The following ANK3 variants were observed in gnomAD, a reference collection of about 807,000 sequenced individuals.
ANK3 encodes ankyrin 3.
A neutral mutation model predicts 370.9 loss-of-function variants in ANK3; 57 were observed. The observed-to-expected ratio is 0.15, with a 90% CI of 0.12 to 0.19. The LOEUF is 0.19. ANK3 is among the 10% of genes least tolerant of loss of function. The pLI is 1.00. For synonymous variants in ANK3, 1,929 were observed against 1,946.3 expected, an observed-to-expected ratio of 0.99 and a Z score of 0.23; for missense variants, 4,439 against 5,302.1, an observed-to-expected ratio of 0.84 and a Z score of 5.06.
At chr10:60,401,827 G>A (rs930523131) in intron 2 of ANK3, among the ~76,000 whole-genome samples, 2 of 152,096 alleles carry the variant, frequency 1.3e-5, no homozygotes, top group African/African-American at 2.4e-5. Context: ...ATCACCAGAT[G>A]AGTTCATATA....
intron 23 of ANK3, among the ~76,000 whole-genome samples, chr10:60,156,879 A>C (rs1391683866): frequency 6.6e-6 from 1 of 152,182 alleles, no homozygotes; most frequent in Non-Finnish European, 1.5e-5. Flanking sequence ...TTTAATGCCC[A>C]GGTATCAACA....
rs557758136 is a variant in ANK3, at chr10:60,581,963, T to G, written c.96+33223A>C. ...GCCATAAAAAAGGATGAGTTCATGTTATTTGCAGGGACATGGATGAAGCTG... is the reference window on the plus strand; with the variant it reads ...GCCATAAAAAAGGATGAGTTCATGTGATTTGCAGGGACATGGATGAAGCTG... On this transcript the variant is annotated intron_variant, in intron 2 of 43. Coordinates refer to the ANK3 transcript ENST00000373827. 2.9e-3 allele frequency among the ~76,000 whole-genome samples: 442 copies of G among 152,258 alleles called. 4 individuals carry two copies. Among genetic ancestry groups the G allele is most frequent in the African/African-American group, 9.6e-3 (399 of 41,538 alleles).
At chr10:60,168,170 C>A (rs538615199) in intron 21 of ANK3, among the ~76,000 whole-genome samples, 2 of 152,158 alleles carry the variant, frequency 1.3e-5, no homozygotes, top group Admixed American at 6.5e-5. Context: ...GGATTACAGA[C>A]GTGCATGGCC....
chr10:60,502,652 C>G lies in ANK3; in HGVS notation c.96+112534G>C, dbSNP rs72807942. On this transcript the variant is annotated intron_variant, in intron 2 of 43. Transcript: ENST00000373827. ...TGATGATTGTGCCTGTGAATAGCCA[C>G]TGCACTCCAGTCTGCGCAACATAGG... Among the ~76,000 whole-genome samples, 778 of 150,842 alleles carry G rather than the reference C, an allele frequency of 5.2e-3. 3 individuals are homozygous for G. The highest frequency in any genetic ancestry group is 6.7e-3 in the Non-Finnish European group (453 of 67,854).
chr10:60,445,852 C>T (rs972642437), intron 2 of ANK3, among the ~76,000 whole-genome samples: 1 of 152,202 alleles, frequency 6.6e-6, no homozygotes, highest in African/African-American at 2.4e-5. Flanking sequence ...AAAATACAGA[C>T]AATGAAAGTA....
At chr10:60,429,824 A>G (rs992139190) in intron 2 of ANK3, among the ~76,000 whole-genome samples, 12 of 152,192 alleles carry the variant, frequency 7.9e-5, no homozygotes, top group African/African-American at 2.9e-4. Flanking sequence ...ATACAAACAT[A>G]TTATTAACAG....
At chr10:60,614,231 A>C (rs2078238760) in intron 2 of ANK3, among the ~76,000 whole-genome samples, 1 of 152,206 alleles carries the variant, frequency 6.6e-6, no homozygotes, top group Non-Finnish European at 1.5e-5. Flanking sequence ...TTTACTTACC[A>C]AAATGGCAAT....
At chr10:60,365,209 C>T (rs2059231057) in intron 1 of ANK3, among the ~76,000 whole-genome samples, 1 of 151,216 alleles carries the variant, frequency 6.6e-6, no homozygotes, top group African/African-American at 2.4e-5. Flanking sequence ...TTTTCTGTTA[C>T]AGAGATATCA....
intron 28 of ANK3, among the ~76,000 whole-genome samples, chr10:60,104,983 C>G (rs928220142): frequency 6.6e-6 from 1 of 152,188 alleles, no homozygotes; most frequent in Admixed American, 6.5e-5. Context: ...GTTCACCTCG[C>G]TCCTTTGTTC....
intron 27 of ANK3, 33 bp from the exon 28 acceptor site, chr10:60,106,092 A>G (rs1428728515): frequency 6.4e-7 from 1 of 1,558,056 alleles, no homozygotes; most frequent in African/African-American, 1.4e-5. Flanking sequence ...TTTGGTATCA[A>G]ATTAAATATA....
chr10:60,597,887 G>A (rs1009677), intron 2 of ANK3, among the ~76,000 whole-genome samples: 82,469 of 151,932 alleles, frequency 0.54, 22,646 homozygotes, highest in South Asian at 0.66. Context: ...ATTTCTTCTT[G>A]TTTTCATAAT....
intron 25 of ANK3, among the ~76,000 whole-genome samples, chr10:60,121,341 C>A: frequency 7.1e-6 from 1 of 141,152 alleles, no homozygotes; most frequent in Non-Finnish European, 1.5e-5. Context: ...TGAGGGAGTG[C>A]AGGGGGTGGA....
At chr10:60,547,017 A>G (rs2076978215) in intron 2 of ANK3, among the ~76,000 whole-genome samples, 1 of 151,976 alleles carries the variant, frequency 6.6e-6, no homozygotes, top group African/African-American at 2.4e-5. Context: ...GAAATCAGGC[A>G]TACTTTCAAC....
chr10:60,239,267 G>A (rs749666334), intron 7 of ANK3, among the ~76,000 whole-genome samples: 1 of 151,914 alleles, frequency 6.6e-6, no homozygotes, highest in African/African-American at 2.4e-5. Flanking sequence ...ATGAAAGGCA[G>A]AAAAATACAA....
rs186105410 is a variant in ANK3 at position 60,365,311 on chromosome 10, C to T, written c.114+24114G>A. Among the ~76,000 whole-genome samples the T allele has an allele frequency of 8.6e-4, 131 of 152,136 alleles. 1 individual carries two copies. Among genetic ancestry groups the T allele is most frequent in the Non-Finnish European group, 1.5e-3 (102 of 67,968 alleles). On this transcript the variant is annotated intron_variant, in intron 1 of 43. Transcript: ENST00000280772. The stretch of plus-strand genomic sequence containing the variant: ...TCTTATGAAGTTATAGATCCCCATG[C>T]TTTGAAGATTACTCCCAAATTCCAC...
intron 2 of ANK3, 88 bp from the exon 3 acceptor site, chr10:60,279,236 G>T: frequency 1.8e-6 from 2 of 1,134,126 alleles, no homozygotes; most frequent in Non-Finnish European, 2.7e-6. Flanking sequence ...ATATTATAAA[G>T]TCCCACCTGA....
At chr10:60,599,849 C>A (rs749073625) in intron 2 of ANK3, among the ~76,000 whole-genome samples, 1 of 152,166 alleles carries the variant, frequency 6.6e-6, no homozygotes, top group Non-Finnish European at 1.5e-5. Flanking sequence ...AAGGCCCTGC[C>A]TTCCTCTGTA....
chr10:60,415,916 G>GC (rs202007204), intron 2 of ANK3, among the ~76,000 whole-genome samples: 2,221 of 80,016 alleles, frequency 0.028, 49 homozygotes, highest in Non-Finnish European at 0.041. Context: ...CTGAATTTGT[G>GC]CCCCCCACCC....
At chr10:60,042,623 G>A in intron 43 of ANK3, 49 bp downstream of exon 43, 1 of 1,517,418 alleles carries the variant, frequency 6.6e-7, no homozygotes, top group East Asian at 2.3e-5. Flanking sequence ...AAAAATATAA[G>A]TTTCACAGGA....
Sources: allele counts gnomAD v4.1 joint callset (sites outside exome capture counted in the v4.1 genomes callset), GRCh38; gene constraint gnomAD v4.1.1; transcripts MANE v1.5; gene names NCBI Gene and HGNC (gene_info 2026-07-23, HGNC 2026-07-21).